ZPBP: variants seen among roughly 807,000 people sequenced by gnomAD.
ZPBP encodes zona pellucida binding protein.
ZPBP carries 26 observed loss-of-function variants against 44.8 expected under a neutral mutation model. The observed-to-expected ratio is 0.58, with a 90% CI of 0.43 to 0.81. The LOEUF is 0.81. ZPBP is among the 30% of genes least tolerant of loss of function. ZPBP has a pLI of 0.00. For missense variants in ZPBP, 409 were observed against 434.0 expected, an observed-to-expected ratio of 0.94 and a Z score of 0.51; for synonymous variants, 174 against 153.2, an observed-to-expected ratio of 1.14 and a Z score of -1.00.
downstream of ZPBP, among the ~76,000 whole-genome samples, chr7:49,933,750 T>C (rs1229090125): frequency 6.6e-6 from 1 of 152,014 alleles, no homozygotes; most frequent in African/African-American, 2.4e-5. Context: ...ATGTCCTTTG[T>C]AGGGACATGG....
At chr7:49,892,244 C>A (rs1280391318) in intron 2 of ZPBP, among the ~76,000 whole-genome samples, 1 of 151,600 alleles carries the variant, frequency 6.6e-6, no homozygotes, top group Admixed American at 6.6e-5. Context: ...GACGGGGTTT[C>A]ACCGTGTTAG....
chr7:50,000,212 C>A (rs1003841213), intron 6 of ZPBP, among the ~76,000 whole-genome samples: 2 of 151,830 alleles, frequency 1.3e-5, no homozygotes, highest in East Asian at 1.9e-4. Flanking sequence ...TAATTTTAAG[C>A]CTTAGTAATT....
intron 7 of ZPBP, among the ~76,000 whole-genome samples, chr7:49,976,856 A>C (rs1309376929): frequency 6.6e-6 from 1 of 151,942 alleles, no homozygotes; most frequent in East Asian, 1.9e-4. Context: ...TAATCCCAGC[A>C]CTCTGGGAGG....
At chr7:49,869,206 G>A (rs1311581415) in intron 2 of ZPBP, among the ~76,000 whole-genome samples, 3 of 152,122 alleles carry the variant, frequency 2.0e-5, no homozygotes, top group African/African-American at 7.2e-5. Flanking sequence ...CAGCTTGGGA[G>A]AAGAGGCAGA....
chr7:49,922,014 G>A (rs1234445274), intron 1 of ZPBP: 2 of 152,082 alleles, frequency 1.3e-5, no homozygotes, highest in Non-Finnish European at 2.9e-5. Flanking sequence ...GCTTTTGAAA[G>A]TAGATTAAGC....
At chr7:49,864,435 A>T (rs6583394) in intron 2 of ZPBP, among the ~76,000 whole-genome samples, 106,969 of 152,024 alleles carry the variant, frequency 0.7, 38,095 homozygotes, top group East Asian at 0.88. Context: ...ACCTTGGGCA[A>T]GTGCATGGTG....
At chr7:49,888,992 C>A (rs1237110436) in intron 2 of ZPBP, among the ~76,000 whole-genome samples, 2 of 152,124 alleles carry the variant, frequency 1.3e-5, no homozygotes, top group South Asian at 2.1e-4. Context: ...TGGGGATGAC[C>A]CATTGGGCTG....
At chr7:50,089,043 T>C (rs1353142800) in intron 2 of ZPBP, among the ~76,000 whole-genome samples, 1 of 152,056 alleles carries the variant, frequency 6.6e-6, no homozygotes, top group Admixed American at 6.6e-5. Context: ...CAGGCAAACC[T>C]ATAGAGACAG....
At chr7:49,885,285 A>T (rs1791849120) in intron 2 of ZPBP, among the ~76,000 whole-genome samples, 1 of 152,168 alleles carries the variant, frequency 6.6e-6, no homozygotes, top group Admixed American at 6.5e-5. Context: ...ACATAAAATG[A>T]GAGGTAATTT....
At chr7:49,947,592 G>C (rs1458095750) in intron 7 of ZPBP, among the ~76,000 whole-genome samples, 1 of 152,156 alleles carries the variant, frequency 6.6e-6, no homozygotes, top group African/African-American at 2.4e-5. Context: ...GAGCTGACTG[G>C]AACAAGAGGA....
intron 3 of ZPBP, among the ~76,000 whole-genome samples, chr7:50,065,132 T>G (rs1801436502): frequency 6.6e-6 from 1 of 152,240 alleles, no homozygotes; most frequent in Non-Finnish European, 1.5e-5. Flanking sequence ...TTTGTGTCTA[T>G]TTTTGTGAGT....
At chr7:49,884,448 G>A (rs1791808587) in intron 2 of ZPBP, among the ~76,000 whole-genome samples, 1 of 152,140 alleles carries the variant, frequency 6.6e-6, no homozygotes, top group Non-Finnish European at 1.5e-5. Flanking sequence ...TGGGAAGGTG[G>A]AGAACAGCAA....
At chr7:50,056,263 G>A (rs1800931518) in intron 4 of ZPBP, 1 of 152,134 alleles carries the variant, frequency 6.6e-6, no homozygotes. Context: ...GAAAGCTTTA[G>A]GGGGAATCCA....
At position 50,065,471 on chromosome 7, in the gene ZPBP, G is replaced by C. The variant is rs763640595; in HGVS notation, c.335-7330C>G. On this transcript the variant is annotated intron_variant, in intron 3 of 7. Transcript: ENST00000046087. The stretch of plus-strand genomic sequence containing the variant: ...ATTATAATATTGTTGCCTTGGGCAG[G>C]TTGTTTTTCCTACTGCTTCTGTGAA... Among the ~76,000 whole-genome samples the C allele has an allele frequency of 1.1e-4, 16 of 150,968 alleles. 2 individuals carry two copies. The highest frequency in any genetic ancestry group is 2.6e-4 in the Admixed American group (4 of 15,182).
At chr7:49,900,621 T>C (rs1792670902) in intron 2 of ZPBP, among the ~76,000 whole-genome samples, 1 of 151,616 alleles carries the variant, frequency 6.6e-6, no homozygotes, top group Admixed American at 6.6e-5. Context: ...AAATAGATAC[T>C]CCAAATAGGT....
intron 7 of ZPBP, among the ~76,000 whole-genome samples, chr7:49,968,566 C>G (rs1218310113): frequency 6.6e-6 from 1 of 151,984 alleles, no homozygotes; most frequent in Non-Finnish European, 1.5e-5. Flanking sequence ...CTAGATCTCT[C>G]ATAAATTACT....
intron 7 of ZPBP, among the ~76,000 whole-genome samples, chr7:49,951,131 T>C (rs1445829583): frequency 6.6e-6 from 1 of 151,784 alleles, no homozygotes; most frequent in African/African-American, 2.4e-5. Flanking sequence ...GAAAAAGATA[T>C]AGGGGTAAGT....
chr7:49,878,743 G>T (rs1462030149), intron 2 of ZPBP, among the ~76,000 whole-genome samples: 2 of 152,082 alleles, frequency 1.3e-5, no homozygotes, highest in Non-Finnish European at 2.9e-5. Context: ...ATTTTCTCCT[G>T]TACTGCTGAT....
chr7:50,044,364 C>A (rs1455123822), intron 4 of ZPBP, among the ~76,000 whole-genome samples: 1 of 151,990 alleles, frequency 6.6e-6, no homozygotes, highest in African/African-American at 2.4e-5. Context: ...TCCAAAAAAT[C>A]AATGAATCCA....
Sources: allele counts gnomAD v4.1 joint callset (sites outside exome capture counted in the v4.1 genomes callset), GRCh38; gene constraint gnomAD v4.1.1; transcripts MANE v1.5; gene names NCBI Gene and HGNC (gene_info 2026-07-23, HGNC 2026-07-21).